Variants in LUZP2 observed in about 807,000 individuals in gnomAD.
LUZP2 encodes leucine zipper protein 2.
In LUZP2, 52 loss-of-function variants were observed where a neutral mutation model predicts 51.6. The ratio of observed to expected loss-of-function variants is 1.01; its 90% CI spans 0.81 to 1.27. The LOEUF (loss-of-function observed/expected upper bound fraction) is 1.27, where lower values mean the gene tolerates loss of function less well. Ranked by LOEUF, LUZP2 falls within the 50% of genes most tolerant of loss-of-function variation. The pLI, the probability that LUZP2 is intolerant of heterozygous loss-of-function variation, is 0.00. For missense variants in LUZP2, 436 were observed against 395.4 expected, an observed-to-expected ratio of 1.10 and a Z score of -0.87; for synonymous variants, 154 against 137.3, an observed-to-expected ratio of 1.12 and a Z score of -0.85.
At chr11:24,649,398 GA>G (rs1366060596) in intron 1 of LUZP2, among the ~76,000 whole-genome samples, 1 of 151,952 alleles carries the variant, frequency 6.6e-6, no homozygotes, top group Non-Finnish European at 1.5e-5. Flanking sequence ...CAAGCCTCCT[GA>G]ATGGTTAGGG....
intron 9 of LUZP2, among the ~76,000 whole-genome samples, chr11:25,031,616 G>T (rs1857689412): frequency 6.6e-6 from 1 of 151,886 alleles, no homozygotes; most frequent in African/African-American, 2.4e-5. Flanking sequence ...CCCACAATTT[G>T]TGTCCCTCTC....
At chr11:24,615,227 C>T (rs1162969069) in intron 1 of LUZP2, among the ~76,000 whole-genome samples, 2 of 151,700 alleles carry the variant, frequency 1.3e-5, no homozygotes, top group African/African-American at 2.4e-5. Context: ...AGGATGTTAA[C>T]ACTGAGACCA....
intron 5 of LUZP2, among the ~76,000 whole-genome samples, chr11:24,883,280 A>T (rs1852548624): frequency 7.1e-6 from 1 of 139,892 alleles, no homozygotes. Context: ...TTTCACTATG[A>T]CAAGACATGC....
intron 5 of LUZP2, among the ~76,000 whole-genome samples, chr11:24,893,523 C>A (rs369997460): frequency 4.6e-5 from 7 of 151,950 alleles, no homozygotes; most frequent in African/African-American, 1.7e-4. Flanking sequence ...AAAATAACAA[C>A]AGAGATCCTT....
chr11:24,602,172 A>ATGTG (rs1261022979), intron 1 of LUZP2, among the ~76,000 whole-genome samples: 7 of 131,902 alleles, frequency 5.3e-5, no homozygotes, highest in African/African-American at 2.0e-4. Context: ...ATATGTGTAT[A>ATGTG]TATATGTGTA....
chr11:25,048,086 CAG>C (rs1207333711), intron 9 of LUZP2, among the ~76,000 whole-genome samples: 1 of 152,164 alleles, frequency 6.6e-6, no homozygotes, highest in Non-Finnish European at 1.5e-5. Flanking sequence ...GCTGGAAATA[CAG>C]GCCTGAGGCA....
In LUZP2 at chr11:25,078,578, G is replaced by A. The variant is rs567631780; in HGVS notation, c.961G>A (p.Glu321Lys). The A allele has an allele frequency of 6.2e-7, 1 of 1,612,584 alleles. No homozygotes were observed. The highest frequency in any genetic ancestry group is 1.3e-5 in the African/African-American group (1 of 74,886). ...PQKLQMPPCS[E>K]CEVKKAPEKP... The stretch of plus-strand genomic sequence containing the variant: ...GAAATTGCAAATGCCTCCTTGCTCT[G>A]AATGTGAGGTGAAAAAAGCCCCAGA... The change falls in exon 12 of 12, where the codon GAA (glutamate) becomes AAA (lysine). Residue 321 changes from glutamate (E) to lysine (K), a missense_variant. Transcript: ENST00000336930.
chr11:24,688,694 T>C (rs1407132888), intron 1 of LUZP2, among the ~76,000 whole-genome samples: 1 of 152,178 alleles, frequency 6.6e-6, no homozygotes, highest in Non-Finnish European at 1.5e-5. Flanking sequence ...GGTAGATCAC[T>C]GCATATAATT....
intron 9 of LUZP2, among the ~76,000 whole-genome samples, chr11:25,045,398 A>T (rs1272713226): frequency 1.3e-5 from 2 of 151,952 alleles, no homozygotes; most frequent in Admixed American, 6.6e-5. Context: ...AAAAAAAAAA[A>T]AAAGAAAGTT....
chr11:24,927,249 G>A (rs556926071), intron 7 of LUZP2, among the ~76,000 whole-genome samples: 1 of 152,048 alleles, frequency 6.6e-6, no homozygotes, highest in African/African-American at 2.4e-5. Flanking sequence ...CTGTGCTGAA[G>A]CTTTTTATTT....
At chr11:24,829,227 A>G (rs56317480) in intron 5 of LUZP2, among the ~76,000 whole-genome samples, 24,810 of 152,116 alleles carry the variant, frequency 0.16, 2,071 homozygotes, top group South Asian at 0.22. Context: ...CAGATGAAGG[A>G]AAGAGAGAAT....
At chr11:24,975,031 A>G (rs1249397104) in intron 7 of LUZP2, among the ~76,000 whole-genome samples, 1 of 151,998 alleles carries the variant, frequency 6.6e-6, no homozygotes, top group African/African-American at 2.4e-5. Flanking sequence ...CAGCAGTTTG[A>G]CTGTAAGCTG....
At chr11:25,068,883 C>G (rs1361720374) in intron 10 of LUZP2, among the ~76,000 whole-genome samples, 2 of 151,954 alleles carry the variant, frequency 1.3e-5, no homozygotes, top group Non-Finnish European at 2.9e-5. Flanking sequence ...AGAATGTTTA[C>G]TTCTGCTTTT....
chr11:24,536,716 T>C (rs1455718722), intron 1 of LUZP2, among the ~76,000 whole-genome samples: 1 of 151,942 alleles, frequency 6.6e-6, no homozygotes, highest in East Asian at 1.9e-4. Context: ...TTATCATTTG[T>C]GTATTCACTG....
intron 1 of LUZP2, among the ~76,000 whole-genome samples, chr11:24,673,528 T>C (rs1856461952): frequency 6.6e-6 from 1 of 152,188 alleles, no homozygotes; most frequent in African/African-American, 2.4e-5. Flanking sequence ...CTTTCTCTCT[T>C]CTGTATTTGT....
chr11:24,884,385 A>G (rs1852600250), intron 5 of LUZP2, among the ~76,000 whole-genome samples: 1 of 152,058 alleles, frequency 6.6e-6, no homozygotes, highest in Admixed American at 6.6e-5. Flanking sequence ...TATATAAAGC[A>G]TACTGTAGAA....
At chr11:24,926,639 A>ATATATATATGTGTGTATATATG (rs753014041) in intron 7 of LUZP2, among the ~76,000 whole-genome samples, 1 of 126,500 alleles carries the variant, frequency 7.9e-6, no homozygotes. Flanking sequence ...GTATATATGT[A>ATATATATATGTGTGTATATATG]TATATATATA....
chr11:25,046,694 C>T (rs974319541), intron 9 of LUZP2, among the ~76,000 whole-genome samples: 17 of 151,926 alleles, frequency 1.1e-4, no homozygotes, highest in African/African-American at 4.1e-4. Flanking sequence ...AGACTGGTAC[C>T]AAGAAGGTTA....
chr11:24,902,306 C>A (rs2133780897), intron 5 of LUZP2, among the ~76,000 whole-genome samples: 1 of 152,144 alleles, frequency 6.6e-6, no homozygotes, highest in Non-Finnish European at 1.5e-5. Context: ...TGATCCTCTC[C>A]CTCCTCCCAC....
Sources: allele counts gnomAD v4.1 joint callset (sites outside exome capture counted in the v4.1 genomes callset), GRCh38; gene constraint gnomAD v4.1.1; transcripts MANE v1.5; gene names NCBI Gene and HGNC (gene_info 2026-07-23, HGNC 2026-07-21).